The following SNX2 variants were observed in gnomAD, a reference collection of about 807,000 sequenced individuals.
The protein encoded by SNX2 is sorting nexin-2.
In SNX2, 25 loss-of-function variants were observed where a neutral mutation model predicts 69.9. The observed-to-expected ratio is 0.36, with a 90% CI of 0.26 to 0.50. SNX2 has a LOEUF of 0.50. Among genes scored for constraint, SNX2 ranks in the 20% least tolerant of loss-of-function variants. The probability of loss-of-function intolerance (pLI) is 0.97; values close to 1 mark genes in which losing one functional copy is unlikely to be tolerated. For missense variants in SNX2, 551 were observed against 613.3 expected (o/e 0.90, Z 1.07); for synonymous variants, 229 against 200.4 (o/e 1.14, Z -1.20).
Position 122,829,794 on chromosome 5 carries a change from ACACACACACACACACACT to A in SNX2, c.*148_*165del. 1.6e-6 allele frequency: 1 copy of A among 613,266 alleles called. No homozygotes were observed. The highest frequency in any genetic ancestry group is 3.0e-6 in the Non-Finnish European group (1 of 337,322). The allele number at this position is 613,266 out of a possible 1,614,324, so 38.0% of individuals were successfully genotyped here. On this transcript the variant is annotated 3_prime_UTR_variant, in exon 15 of 15. Transcript: ENST00000379516. The stretch of plus-strand genomic sequence containing the variant: ...TTTATATACACACACACACACACAC[ACACACACACACACACACT>A]CTGACATTTTATTACAAGCTGCATG...
intron 11 of SNX2, among the ~76,000 whole-genome samples, chr5:122,823,802 G>GTGTGTGTGTA (rs1261817581): frequency 1.3e-5 from 2 of 151,668 alleles, no homozygotes; most frequent in Non-Finnish European, 2.9e-5. Flanking sequence ...GTGTGTGTGT[G>GTGTGTGTGTA]TGTGTGTGTA....
At chr5:122,807,190 A>C (rs1488546579) in intron 6 of SNX2, among the ~76,000 whole-genome samples, 1 of 151,962 alleles carries the variant, frequency 6.6e-6, no homozygotes, top group Non-Finnish European at 1.5e-5. Context: ...TGAGCCTGGG[A>C]TATAGGGGCT....
chr5:122,789,466 CACACACGG>C (rs1265412104), intron 1 of SNX2, among the ~76,000 whole-genome samples: 1 of 119,928 alleles, frequency 8.3e-6, no homozygotes, highest in Admixed American at 8.5e-5. Flanking sequence ...CACACACAGA[CACACACGG>C]ACACACACAC....
intron 5 of SNX2, among the ~76,000 whole-genome samples, chr5:122,803,222 C>T (rs12518529): frequency 4.6e-5 from 7 of 151,728 alleles, no homozygotes; most frequent in African/African-American, 9.7e-5. Flanking sequence ...GAATTATTAG[C>T]GTAAATAGAG....
rs1232052991 is a variant in SNX2, at chr5:122,808,363, T to C, written c.722+8T>C. 1.3e-6 allele frequency: 2 copies of C among 1,567,404 alleles called. No individual in the cohort carries two copies. The highest frequency in any genetic ancestry group is 1.1e-5 in the South Asian group (1 of 88,444). On this transcript the variant is annotated splice_region_variant and intron_variant, in intron 7 of 14. Coordinates refer to ENST00000379516, the MANE Select transcript of SNX2 (RefSeq NM_003100.4). ...GAGAGCAGCTCTTGAAAGGTAATTCTAGACAGCTATATTTTATTACTCTCA... is the reference window on the plus strand; with the variant it reads ...GAGAGCAGCTCTTGAAAGGTAATTCCAGACAGCTATATTTTATTACTCTCA...
chr5:122,776,981 C>T (rs1349276153), intron 1 of SNX2, among the ~76,000 whole-genome samples: 1 of 152,078 alleles, frequency 6.6e-6, no homozygotes, highest in African/African-American at 2.4e-5. Flanking sequence ...ATTTAATGTA[C>T]TCATTTAGGT....
chr5:122,814,615 A>T (rs1481700658), intron 7 of SNX2, among the ~76,000 whole-genome samples: 2 of 152,216 alleles, frequency 1.3e-5, no homozygotes, highest in Non-Finnish European at 2.9e-5. Context: ...GGCATATTTT[A>T]TAATCTTATA....
chr5:122,806,387 A>G (rs1375745893), intron 6 of SNX2, among the ~76,000 whole-genome samples: 1 of 152,032 alleles, frequency 6.6e-6, no homozygotes, highest in Non-Finnish European at 1.5e-5. Flanking sequence ...GGTAACTTAC[A>G]CTTATAGCAG....
intron 11 of SNX2, among the ~76,000 whole-genome samples, chr5:122,822,318 C>T (rs1429012219): frequency 2.0e-5 from 3 of 152,146 alleles, no homozygotes; most frequent in Non-Finnish European, 4.4e-5. Context: ...CTCTTGACCT[C>T]GTGATCTACT....
In SNX2 at chr5:122,827,617, TTAGAA is replaced by T; in HGVS notation, c.1482_1486del (p.Leu494PhefsTer19). The T allele has an allele frequency of 6.2e-7, 1 of 1,613,100 alleles. No homozygotes were observed. Among genetic ancestry groups the T allele is most frequent in the Non-Finnish European group, 8.5e-7 (1 of 1,179,308 alleles). On this transcript the variant is annotated frameshift_variant, in exon 14 of 15. Transcript: ENST00000379516. LOFTEE classifies it high-confidence loss of function. ...TTTTAAAACCGTTATCATCAAGTACTTAGAATCACTAGTTCAAACACAACAACAGG... is the reference window on the plus strand; with the variant it reads ...TTTTAAAACCGTTATCATCAAGTACTTCACTAGTTCAAACACAACAACAGG...
chr5:122,818,655 C>T (rs1414123198), intron 10 of SNX2, among the ~76,000 whole-genome samples, 163 bp from the exon 11 acceptor site: 1 of 152,092 alleles, frequency 6.6e-6, no homozygotes, highest in African/African-American at 2.4e-5. Context: ...GGCATTTATG[C>T]CTGAGGCATT....
intron 7 of SNX2, among the ~76,000 whole-genome samples, chr5:122,814,918 T>C (rs1753869680): frequency 6.6e-6 from 1 of 151,896 alleles, no homozygotes; most frequent in Non-Finnish European, 1.5e-5. Context: ...CCCGGCTAAT[T>C]TTTTGTATTT....
At chr5:122,804,442 T>A (rs1478008836) in intron 6 of SNX2, among the ~76,000 whole-genome samples, 2 of 150,572 alleles carry the variant, frequency 1.3e-5, no homozygotes, top group South Asian at 4.3e-4. Context: ...CTTGGCTCAC[T>A]GCAACCTCCG....
At chr5:122,807,275 A>G (rs1350680047) in intron 6 of SNX2, among the ~76,000 whole-genome samples, 2 of 152,192 alleles carry the variant, frequency 1.3e-5, no homozygotes, top group African/African-American at 4.8e-5. Context: ...AAAGAAAAAA[A>G]AAAGGGTATC....
In SNX2 at chr5:122,832,468, A is replaced by G. The variant is rs975159762; in HGVS notation, c.*2820A>G. 11 of 152,216 alleles carry G rather than the reference A, an allele frequency of 7.2e-5. No homozygotes were observed. The highest frequency in any genetic ancestry group is 2.7e-4 in the African/African-American group (11 of 41,458). The allele number at this position is 152,216 out of a possible 1,614,324, so 9.4% of individuals were successfully genotyped here. On this transcript the variant is annotated 3_prime_UTR_variant, in exon 15 of 15. Transcript: ENST00000379516. ...TGTATTTTCTACTGAACTATTTTCA[A>G]GTATTCAGCTTTATACTAATATATT...
At chr5:122,793,391 C>G (rs1228729237) in intron 1 of SNX2, among the ~76,000 whole-genome samples, 1 of 152,046 alleles carries the variant, frequency 6.6e-6, no homozygotes, top group Non-Finnish European at 1.5e-5. Flanking sequence ...CCATATGGCT[C>G]TATTTTATGA....
At chr5:122,820,304 G>A (rs538200196) in intron 11 of SNX2, among the ~76,000 whole-genome samples, 6 of 152,294 alleles carry the variant, frequency 3.9e-5, no homozygotes, top group Admixed American at 2.0e-4. Context: ...TTGGGAGGCC[G>A]AGGCGGGTGG....
At chr5:122,811,307 GAGTAGCCCTAACATC>G (rs1183704972) in intron 7 of SNX2, among the ~76,000 whole-genome samples, 3 of 152,150 alleles carry the variant, frequency 2.0e-5, no homozygotes, top group African/African-American at 7.2e-5. Flanking sequence ...CTTCTATTAA[GAGTAGCCCTAACATC>G]ACTTGCTTGG....
At chr5:122,815,663 T>C in intron 7 of SNX2, 1 of 292,498 alleles carries the variant, frequency 3.4e-6, no homozygotes, top group Non-Finnish European at 6.3e-6. Flanking sequence ...CCCCTTGCCA[T>C]TTCTCTTTTT....
Sources: gnomAD v4.1 joint callset for allele counts (sites outside exome capture counted in the v4.1 genomes callset) on GRCh38, gnomAD v4.1.1 for gene constraint, MANE v1.5 for transcripts, NCBI Gene and HGNC (gene_info 2026-07-23, HGNC 2026-07-21) for gene names.